The following CDH18 variants were observed in gnomAD, a reference collection of about 807,000 sequenced individuals.
CDH18 encodes the protein cadherin-18.
Under a neutral mutation model 67.9 loss-of-function variants are expected in CDH18, and 31 were observed. That is an observed-to-expected ratio of 0.46 (90% CI 0.34 to 0.62). The LOEUF (loss-of-function observed/expected upper bound fraction) is 0.62, where lower values mean the gene tolerates loss of function less well. Ranked by LOEUF, CDH18 falls within the 20% of genes least tolerant of loss-of-function variation. The probability of loss-of-function intolerance (pLI) is 0.01; values close to 1 mark genes in which losing one functional copy is unlikely to be tolerated. For missense variants in CDH18, 890 were observed against 975.5 expected, an observed-to-expected ratio of 0.91 and a Z score of 1.17; for synonymous variants, 362 against 347.2, an observed-to-expected ratio of 1.04 and a Z score of -0.48.
chr5:19,960,437 T>C (rs1196150423), intron 2 of CDH18, among the ~76,000 whole-genome samples: 1 of 151,498 alleles, frequency 6.6e-6, no homozygotes, highest in African/African-American at 2.4e-5. Context: ...TCTTGTCCCA[T>C]TAAAACGTCT....
At chr5:20,546,750 G>GACACACAC (rs4002054) in intron 1 of CDH18, among the ~76,000 whole-genome samples, 1 of 151,072 alleles carries the variant, frequency 6.6e-6, no homozygotes, top group South Asian at 2.1e-4. Context: ...TACATACATA[G>GACACACAC]ACACACACAC....
At chr5:19,791,356 AACACACACACACAC>A (rs58429751) in intron 3 of CDH18, among the ~76,000 whole-genome samples, 15 of 141,542 alleles carry the variant, frequency 1.1e-4, no homozygotes, top group African/African-American at 4.0e-4. Flanking sequence ...TCGACTTTTA[AACACACACACACAC>A]ACACACACAC....
At chr5:19,616,484 T>C (rs1266833948) in intron 5 of CDH18, among the ~76,000 whole-genome samples, 3 of 152,218 alleles carry the variant, frequency 2.0e-5, no homozygotes, top group Non-Finnish European at 4.4e-5. Context: ...GCTTAACTAT[T>C]GCAATGCTCC....
intron 2 of CDH18, among the ~76,000 whole-genome samples, chr5:20,182,405 C>A (rs1038032644): frequency 6.6e-5 from 10 of 151,814 alleles, no homozygotes; most frequent in Admixed American, 2.0e-4. Flanking sequence ...GAGTTTGAGA[C>A]CAGCCTGACC....
intron 1 of CDH18, among the ~76,000 whole-genome samples, chr5:20,515,469 C>T (rs955746): frequency 0.48 from 73,263 of 151,808 alleles, 17,831 homozygotes; most frequent in East Asian, 0.58. Flanking sequence ...TTCCCAAGAT[C>T]CCATTTCTAT....
intron 2 of CDH18, among the ~76,000 whole-genome samples, chr5:19,887,811 A>C (rs2150074608): frequency 6.6e-6 from 1 of 151,978 alleles, no homozygotes; most frequent in African/African-American, 2.4e-5. Context: ...GACTCAAGCA[A>C]GCCTCCTGCC....
At chr5:20,068,668 T>C (rs1423545010) in intron 2 of CDH18, among the ~76,000 whole-genome samples, 1 of 152,122 alleles carries the variant, frequency 6.6e-6, no homozygotes, top group African/African-American at 2.4e-5. Flanking sequence ...ACCAAAATAT[T>C]TTAAATATTT....
intron 1 of CDH18, among the ~76,000 whole-genome samples, chr5:20,377,646 T>C (rs1198468568): frequency 1.3e-5 from 2 of 152,224 alleles, no homozygotes; most frequent in East Asian, 1.9e-4. Context: ...GAAGACAAGA[T>C]GACGCATCTA....
chr5:19,843,215 G>C (rs563342686), intron 2 of CDH18, among the ~76,000 whole-genome samples: 4 of 152,132 alleles, frequency 2.6e-5, no homozygotes, highest in African/African-American at 9.7e-5. Flanking sequence ...AGTCCTAGGC[G>C]GGAAAAAAAT....
chr5:19,775,159 G>A (rs1774209039), intron 3 of CDH18, among the ~76,000 whole-genome samples: 1 of 152,102 alleles, frequency 6.6e-6, no homozygotes, highest in Non-Finnish European at 1.5e-5. Context: ...GGAAAAGCAG[G>A]TGGTTTTCCA....
At position 19,957,540 on chromosome 5, in the gene CDH18, C is replaced by A. The variant is rs544334808; in HGVS notation, c.-257+23520G>T. Among the ~76,000 whole-genome samples, 4 of 151,556 alleles carry A rather than the reference C, an allele frequency of 2.6e-5. No homozygotes were observed. The East Asian group carries it at 5.8e-4, about 22-fold the overall frequency. ...AAGATGTACATTGCAGTTAGTATGA[C>A]CAAAATGTTTCTATTTAGAAACATG... On this transcript the variant is annotated intron_variant, in intron 2 of 12. Transcript: ENST00000382275.
At chr5:20,277,316 T>C (rs1233793988) in intron 1 of CDH18, among the ~76,000 whole-genome samples, 1 of 152,014 alleles carries the variant, frequency 6.6e-6, no homozygotes, top group Admixed American at 6.6e-5. Flanking sequence ...AGAGAGAGAC[T>C]CTGCTTGTTT....
chr5:19,846,370 GTTATTT>G (rs1400241805), intron 2 of CDH18, among the ~76,000 whole-genome samples: 4 of 152,092 alleles, frequency 2.6e-5, no homozygotes, highest in Admixed American at 6.6e-5. Context: ...TAATATATTT[GTTATTT>G]TTATACTTTT....
intron 2 of CDH18, among the ~76,000 whole-genome samples, chr5:20,175,957 C>A (rs1266062018): frequency 1.3e-5 from 2 of 152,132 alleles, no homozygotes; most frequent in Non-Finnish European, 2.9e-5. Context: ...TTAACCATTA[C>A]AAGCTATATG....
chr5:19,705,245 A>G (rs1171820489), intron 5 of CDH18, among the ~76,000 whole-genome samples: 2 of 152,200 alleles, frequency 1.3e-5, no homozygotes, highest in African/African-American at 4.8e-5. Context: ...TGGTTTAATT[A>G]TAGCTCTGGA....
intron 1 of CDH18, among the ~76,000 whole-genome samples, chr5:20,483,963 A>G (rs746034421): frequency 6.6e-6 from 1 of 151,956 alleles, no homozygotes; most frequent in Non-Finnish European, 1.5e-5. Context: ...CTTCTGCACT[A>G]AAAATGGAAC....
intron 5 of CDH18, among the ~76,000 whole-genome samples, chr5:19,643,370 A>G (rs1017106262): frequency 1.3e-4 from 20 of 152,264 alleles, no homozygotes; most frequent in Non-Finnish European, 2.6e-4. Flanking sequence ...TTTTGAGAAG[A>G]TAACTATAGT....
intron 2 of CDH18, among the ~76,000 whole-genome samples, chr5:20,158,165 A>T (rs1751703619): frequency 6.6e-6 from 1 of 152,168 alleles, no homozygotes; most frequent in Non-Finnish European, 1.5e-5. Flanking sequence ...TAATTTTAAT[A>T]TTCTTTGTTC....
intron 8 of CDH18, among the ~76,000 whole-genome samples, chr5:19,561,223 G>A (rs193033016): frequency 3.3e-5 from 5 of 152,194 alleles, no homozygotes; most frequent in African/African-American, 1.2e-4. Flanking sequence ...GTTTATAGCA[G>A]CACAATTCAT....
Sources: gnomAD v4.1 joint callset for allele counts (sites outside exome capture counted in the v4.1 genomes callset) on GRCh38, gnomAD v4.1.1 for gene constraint, MANE v1.5 for transcripts, NCBI Gene and HGNC (gene_info 2026-07-23, HGNC 2026-07-21) for gene names.